Variants in C8orf58 observed in about 807,000 individuals in gnomAD.
C8orf58 encodes chromosome 8 open reading frame 58.
C8orf58 carries 31 observed loss-of-function variants against 36.8 expected under a neutral mutation model. The observed-to-expected ratio is 0.84, with a 90% CI of 0.63 to 1.14. C8orf58 has a LOEUF of 1.14. Among genes scored for constraint, C8orf58 ranks in the 50% most tolerant of loss-of-function variants. The pLI is 0.00. For synonymous variants in C8orf58, 230 were observed against 200.2 expected (o/e 1.15, Z -1.26); for missense variants, 538 against 480.8 (o/e 1.12, Z -1.11).
rs1213780160 is a variant in C8orf58, at chr8:22,601,728, C to T, written c.533C>T (p.Pro178Leu). The change falls in exon 3 of 7, where the codon CCT becomes CTT. Residue 178 changes from proline to leucine, a missense_variant. Physicochemically the swap from Pro to Leu is moderately conservative, Grantham distance 98. Transcript: ENST00000289989. ...LEEEAVGGLG[P>L]GAWACLPGQG... is the part of the protein sequence containing the mutation. ...GTCCCACAGGTGGGGGGCCTGGGGC[C>T]TGGAGCCTGGGCCTGCCTCCCCGGG... 1 of 1,610,282 alleles carries T rather than the reference C, an allele frequency of 6.2e-7. No individual in the cohort carries two copies. The highest frequency in any genetic ancestry group is 8.5e-7 in the Non-Finnish European group (1 of 1,178,884).
In C8orf58 at chr8:22,603,518, G is replaced by A; in HGVS notation, c.*212G>A. The A allele has an allele frequency of 1.7e-6, 1 of 603,668 alleles. No individual in the cohort carries two copies. The highest frequency in any genetic ancestry group is 3.0e-6 in the Non-Finnish European group (1 of 334,242). The allele number at this position is 603,668 out of a possible 1,614,324, so 37.4% of individuals were successfully genotyped here. A position where few individuals can be genotyped will look rare whatever the true frequency, so the allele number is the denominator to read the frequency against. On this transcript the variant is annotated 3_prime_UTR_variant, in exon 7 of 7. Transcript: ENST00000289989. Reference sequence around the variant, plus strand: ...GGCCCCCAAGATGCCGCAGCTCCAGGGCTCTTCCTCCTCACCAGAAATCCC... The same window carrying A: ...GGCCCCCAAGATGCCGCAGCTCCAGAGCTCTTCCTCCTCACCAGAAATCCC...
At chr8:22,602,347 CT>C in intron 5 of C8orf58, 35 bp downstream of exon 5, 1 of 243,354 alleles carries the variant, frequency 4.1e-6, no homozygotes, top group Non-Finnish European at 8.2e-6. Flanking sequence ...AGGTGGTGGG[CT>C]GGGGTGGGGG....
rs375493498 is a variant in C8orf58 at position 22,601,996 on chromosome 8, C to T, written c.682C>T (p.Arg228Ter). 23 of 1,562,032 alleles carry T rather than the reference C, an allele frequency of 1.5e-5. No individual in the cohort carries two copies. Among genetic ancestry groups the T allele is most frequent in the Admixed American group, 5.4e-5 (3 of 55,664 alleles). ...GGATCCCGGCGAGGAGGAGTCGACC[C>T]GAGCCCCTTTACCGTCCCCGTTACA... ...PGDPGEEEST[R>*]APLPSPLHTP... is the part of the protein sequence containing the mutation. Residue 228 changes from arginine (R) to a stop codon, truncating the protein, a stop_gained, in exon 4 of 7, where the codon CGA becomes TGA. Transcript: ENST00000289989. LOFTEE classifies it high-confidence loss of function.
intron 6 of C8orf58, 29 bp downstream of exon 6, chr8:22,602,672 G>A (rs1800903224): frequency 1.1e-5 from 15 of 1,373,874 alleles, no homozygotes; most frequent in Non-Finnish European, 1.5e-5. Flanking sequence ...CCAGGTTAGG[G>A]CACGGAGAGG....
Position 22,601,275 on chromosome 8 carries a change from A to C in C8orf58, c.434A>C (p.Glu145Ala), listed in dbSNP as rs752804321. 7.5e-6 allele frequency: 12 copies of C among 1,609,906 alleles called. No individual in the cohort carries two copies. Among genetic ancestry groups the C allele is most frequent in the Non-Finnish European group, 1.0e-5 (12 of 1,178,156 alleles). The change falls in exon 2 of 7, where the codon GAG (glutamate) becomes GCG (alanine). Residue 145 changes from glutamate (E) to alanine (A), a missense_variant. Physicochemically the swap from Glu to Ala is moderately radical, Grantham distance 107. Coordinates refer to ENST00000289989, the MANE Select transcript of C8orf58 (RefSeq NM_001013842.3). ...HRSLRLASKP[E>A]REVPLGAGQQ... is the part of the protein sequence containing the mutation. ...TCCCTGCGGCTGGCAAGCAAGCCTG[A>C]GCGTGAAGTGCCCCTTGGAGCAGGG...
rs1014224949 is a variant in C8orf58 at position 22,602,652 on chromosome 8, C to T, written c.986+9C>T. 3.9e-5 allele frequency: 59 copies of T among 1,504,798 alleles called. No homozygotes were observed. Among genetic ancestry groups the T allele is most frequent in the Non-Finnish European group, 5.1e-5 (57 of 1,115,074 alleles). 93.2% of individuals were successfully genotyped at this position (1,504,798 alleles called of 1,614,324 possible). On this transcript the variant is annotated intron_variant, in intron 6 of 6. Transcript: ENST00000289989. ...GATGGCTCTGACCCCAGGTGAGCCCCGTGCCCAGCCCAGGTTAGGGCACGG... is the reference window on the plus strand; with the variant it reads ...GATGGCTCTGACCCCAGGTGAGCCCTGTGCCCAGCCCAGGTTAGGGCACGG...
chr8:22,602,756 C>A, intron 6 of C8orf58, 113 bp downstream of exon 6: 1 of 677,266 alleles, frequency 1.5e-6, no homozygotes, highest in Non-Finnish European at 2.5e-6. Context: ...GAGAGGCAGT[C>A]TGGGAGGGGC....
intron 3 of C8orf58, 27 bp from the exon 4 acceptor site, chr8:22,601,945 C>T (rs758051155): frequency 1.9e-6 from 3 of 1,545,104 alleles, no homozygotes; most frequent in Non-Finnish European, 2.6e-6. Flanking sequence ...TAGCCAGGCC[C>T]TGATCACCTG....
chr8:22,604,036 GT>G lies in C8orf58; in HGVS notation c.*731del, dbSNP rs1800959289. ...GCCTGTACTAGTTTTTAGACCCCAA[GT>G]CAACCTTTCTGAGCCACAGCTTCCC... On this transcript the variant is annotated 3_prime_UTR_variant, in exon 7 of 7. Coordinates refer to ENST00000289989, the MANE Select transcript of C8orf58 (RefSeq NM_001013842.3). 1 of 155,116 alleles carries G rather than the reference GT, an allele frequency of 6.4e-6. No homozygotes were observed. The highest frequency in any genetic ancestry group is 1.4e-5 in the Non-Finnish European group (1 of 69,850). The allele number at this position is 155,116 out of a possible 1,614,324, so 9.6% of individuals were successfully genotyped here.
In C8orf58 at chr8:22,601,029, A is replaced by T. The variant is rs1486069196; in HGVS notation, c.188A>T (p.Lys63Ile). 1.9e-6 allele frequency: 3 copies of T among 1,612,798 alleles called. No individual in the cohort carries two copies. The highest frequency in any genetic ancestry group is 2.5e-6 in the Non-Finnish European group (3 of 1,180,004). ...RGVGREALFL[K>I]LASRDSGVEM... Reference sequence around the variant, plus strand: ...GTCGGCAGGGAGGCACTCTTTCTCAAACTGGCCTCCCGGGACTCAGGAGTG... The same window carrying T: ...GTCGGCAGGGAGGCACTCTTTCTCATACTGGCCTCCCGGGACTCAGGAGTG... Residue 63 changes from lysine (K) to isoleucine (I), a missense_variant, in exon 2 of 7, where the codon AAA becomes ATA. Physicochemically the swap from Lys to Ile is moderately radical, Grantham distance 102. Coordinates refer to ENST00000289989, the MANE Select transcript of C8orf58 (RefSeq NM_001013842.3).
chr8:22,603,083 C>A, intron 6 of C8orf58, 112 bp from the exon 7 acceptor site: 2 of 768,434 alleles, frequency 2.6e-6, no homozygotes, highest in Non-Finnish European at 4.5e-6. Context: ...CAGCCCCGGG[C>A]TGCGCCCACA....
chr8:22,599,906 C>T (rs1800801662), intron 1 of C8orf58, 146 bp downstream of exon 1: 2 of 389,082 alleles, frequency 5.1e-6, no homozygotes, highest in African/African-American at 2.1e-5. Flanking sequence ...CCCTCGCCGC[C>T]TCCCTGGAGG....
In C8orf58 at chr8:22,603,706, C is replaced by G. The variant is rs1359787495; in HGVS notation, c.*400C>G. ...TTGCAAGCTGGCTGGATCCAACCAT[C>G]TCTTCTGAAATAATGCATCCAAAGG... On this transcript the variant is annotated 3_prime_UTR_variant, in exon 7 of 7. Coordinates refer to ENST00000289989, the MANE Select transcript of C8orf58 (RefSeq NM_001013842.3). 1 of 332,480 alleles carries G rather than the reference C, an allele frequency of 3.0e-6. No homozygotes were observed. Among genetic ancestry groups the G allele is most frequent in the Non-Finnish European group, 5.9e-6 (1 of 168,846 alleles). The allele number at this position is 332,480 out of a possible 1,614,324, so 20.6% of individuals were successfully genotyped here.
In C8orf58 at chr8:22,603,698, C is replaced by T. The variant is rs1450501592; in HGVS notation, c.*392C>T. On this transcript the variant is annotated 3_prime_UTR_variant, in exon 7 of 7. Transcript: ENST00000289989. ...TGTCAGTGTTGCAAGCTGGCTGGATCCAACCATCTCTTCTGAAATAATGCA... is the reference window on the plus strand; with the variant it reads ...TGTCAGTGTTGCAAGCTGGCTGGATTCAACCATCTCTTCTGAAATAATGCA... The T allele has an allele frequency of 9.0e-6, 3 of 333,832 alleles. No homozygotes were observed. The highest frequency in any genetic ancestry group is 5.9e-6 in the Non-Finnish European group (1 of 169,764). The allele number at this position is 333,832 out of a possible 1,614,324, so 20.7% of individuals were successfully genotyped here. A position where few individuals can be genotyped will look rare whatever the true frequency, so the allele number is the denominator to read the frequency against.
Position 22,601,244 on chromosome 8 carries a change from C to A in C8orf58, c.403C>A (p.His135Asn), listed in dbSNP as rs761535414. The A allele has an allele frequency of 1.2e-6, 2 of 1,610,016 alleles. No homozygotes were observed. The highest frequency in any genetic ancestry group is 3.3e-5 in the Admixed American group (2 of 59,780). Reference sequence around the variant, plus strand: ...AGCTCCCACCAGCTTGTCAGGACAACACCGCTCCCTGCGGCTGGCAAGCAA... The same window carrying A: ...AGCTCCCACCAGCTTGTCAGGACAAAACCGCTCCCTGCGGCTGGCAAGCAA... The part of the protein sequence containing the change: ...PTAPTSLSGQ[H>N]RSLRLASKPE... The change falls in exon 2 of 7, where the codon CAC (histidine) becomes AAC (asparagine). Residue 135 changes from histidine to asparagine, a missense_variant. By Grantham distance (68) the His-to-Asn change is moderately conservative (BLOSUM62 1). Transcript: ENST00000289989.
chr8:22,601,440 G>GCCCCACCCA, intron 2 of C8orf58, 83 bp downstream of exon 2: 2 of 1,187,164 alleles, frequency 1.7e-6, no homozygotes, highest in Non-Finnish European at 2.3e-6. Context: ...CTCTCTGGGT[G>GCCCCACCCA]GGGCACTCCC....
chr8:22,600,792 C>A, intron 1 of C8orf58, 90 bp from the exon 2 acceptor site: 1 of 1,119,830 alleles, frequency 8.9e-7, no homozygotes, highest in Non-Finnish European at 1.3e-6. Context: ...TGCTCCGGGA[C>A]ACTTCTCCCT....
At chr8:22,601,386 A>G in intron 2 of C8orf58, 29 bp downstream of exon 2, 1 of 1,496,568 alleles carries the variant, frequency 6.7e-7, no homozygotes, top group Non-Finnish European at 9.0e-7. Flanking sequence ...GCTGGGTTTA[A>G]GAGTGGGATG....
chr8:22,603,222 G>C lies in C8orf58; in HGVS notation c.1014G>C (p.Arg338Ser). Residue 338 changes from arginine (R) to serine (S), a missense_variant, in exon 7 of 7, where the codon AGG (arginine) becomes AGC (serine). By Grantham distance (110) the Arg-to-Ser change is moderately radical. Transcript: ENST00000289989. ...TCGAGTCCAGGGACCTCCCTGAAAG[G>C]CCTCAGTGCCGCCCCCACCGGAAGA... Reference protein sequence around the residue: ...PRIESRDLPERPQCRPHRKTF... With the variant: ...PRIESRDLPESPQCRPHRKTF... 1.2e-6 allele frequency: 2 copies of C among 1,613,764 alleles called. No individual in the cohort carries two copies. The highest frequency in any genetic ancestry group is 2.2e-5 in the South Asian group (2 of 91,064).
Sources: allele counts gnomAD v4.1 joint callset, GRCh38; gene constraint gnomAD v4.1.1; transcripts MANE v1.5; gene names NCBI Gene and HGNC (gene_info 2026-07-23, HGNC 2026-07-21).